Variants in UNC5B observed in about 807,000 individuals in gnomAD.
UNC5B encodes the protein netrin receptor UNC5B.
In UNC5B, 56 loss-of-function variants were observed where a neutral mutation model predicts 103.7. The observed-to-expected ratio is 0.54, with a 90% CI of 0.44 to 0.67. The LOEUF is 0.67. UNC5B is among the 30% of genes least tolerant of loss of function. The pLI is 0.00. For missense variants in UNC5B, 1,194 were observed against 1,284.5 expected (o/e 0.93, Z 1.08); for synonymous variants, 577 against 542.0 (o/e 1.06, Z -0.90).
At chr10:71,266,232 A>G (rs975882869) in intron 1 of UNC5B, among the ~76,000 whole-genome samples, 4 of 152,100 alleles carry the variant, frequency 2.6e-5, no homozygotes, top group East Asian at 1.9e-4. Context: ...TTCCCCCAGC[A>G]AATGGGGGCA....
Position 71,291,475 on chromosome 10 carries a change from A to G in UNC5B, c.1338A>G (p.Thr446=). ...ACCCCTCTGTGCCTCCTGACCTGAC[A>G]GCCAGCGCCGGCATCTACCGCGGAC... ...LLHPSVPPDL[T]ASAGIYRGPV... is the part of the protein sequence containing the mutation. The change falls in exon 10 of 17, where the codon ACA becomes ACG. Residue 446 remains threonine, a synonymous_variant. Coordinates refer to ENST00000335350, the MANE Select transcript of UNC5B (RefSeq NM_170744.5). 6.2e-7 allele frequency: 1 copy of G among 1,613,798 alleles called. No homozygotes were observed. Among genetic ancestry groups the G allele is most frequent in the South Asian group, 1.1e-5 (1 of 91,028 alleles).
At chr10:71,216,726 A>C (rs1050072277) in intron 1 of UNC5B, among the ~76,000 whole-genome samples, 3 of 152,206 alleles carry the variant, frequency 2.0e-5, no homozygotes, top group Admixed American at 2.0e-4. Flanking sequence ...TGTCAGGCTT[A>C]AGACGAGGTC....
At chr10:71,286,464 A>G (rs998803708) in intron 4 of UNC5B, among the ~76,000 whole-genome samples, 4 of 152,122 alleles carry the variant, frequency 2.6e-5, no homozygotes, top group African/African-American at 9.7e-5. Context: ...TCCATCTTGC[A>G]GTTGATGAAA....
intron 1 of UNC5B, among the ~76,000 whole-genome samples, chr10:71,277,183 A>G (rs893208474): frequency 6.6e-6 from 1 of 152,274 alleles, no homozygotes; most frequent in African/African-American, 2.4e-5. Context: ...TGCAGAGCAC[A>G]GAGGCGGCTG....
chr10:71,299,343 T>A lies in UNC5B; in HGVS notation c.*66T>A. On this transcript the variant is annotated 3_prime_UTR_variant, in exon 17 of 17. Coordinates refer to ENST00000335350, the MANE Select transcript of UNC5B (RefSeq NM_170744.5). ...AGGTGCAGGGAGGCCTGGGGCAGCC[T>A]CCTGATGGGGATGTTTGGCCTCTGC... 6.3e-7 allele frequency: 1 copy of A among 1,584,496 alleles called. No individual in the cohort carries two copies. The highest frequency in any genetic ancestry group is 1.1e-5 in the South Asian group (1 of 87,822).
intron 1 of UNC5B, among the ~76,000 whole-genome samples, chr10:71,260,656 G>C (rs1023892791): frequency 6.6e-6 from 1 of 152,220 alleles, no homozygotes; most frequent in African/African-American, 2.4e-5. Context: ...ATTGCTGAAG[G>C]CAGCAGGCCG....
chr10:71,248,830 A>G (rs1844103689), intron 1 of UNC5B, among the ~76,000 whole-genome samples: 1 of 149,272 alleles, frequency 6.7e-6, no homozygotes, highest in Non-Finnish European at 1.5e-5. Context: ...CAGTGGGTAC[A>G]GGCTCCTCCC....
chr10:71,233,355 A>G (rs994009814), intron 1 of UNC5B, among the ~76,000 whole-genome samples: 1 of 152,180 alleles, frequency 6.6e-6, no homozygotes, highest in African/African-American at 2.4e-5. Flanking sequence ...ATGCACTTGT[A>G]ATAAATATTG....
chr10:71,296,565 C>T lies in UNC5B; in HGVS notation c.2326-13C>T. 1 of 1,613,162 alleles carries T rather than the reference C, an allele frequency of 6.2e-7. No homozygotes were observed. Among genetic ancestry groups the T allele is most frequent in the African/African-American group, 1.3e-5 (1 of 75,052 alleles). Reference sequence around the variant, plus strand: ...GGCCTTGCCTGCCTGGTCCTGACCCCCTCCTCCTGCAGGAGATCCCCTTCT... The same window carrying T: ...GGCCTTGCCTGCCTGGTCCTGACCCTCTCCTCCTGCAGGAGATCCCCTTCT... On this transcript the variant is annotated splice_polypyrimidine_tract_variant and intron_variant, in intron 14 of 16. Transcript: ENST00000335350.
intron 1 of UNC5B, among the ~76,000 whole-genome samples, chr10:71,242,905 G>A (rs1168498651): frequency 6.6e-6 from 1 of 152,160 alleles, no homozygotes; most frequent in Non-Finnish European, 1.5e-5. Flanking sequence ...GTGGGGCCAT[G>A]GAACACCCAA....
rs569705928 is a variant in UNC5B, at chr10:71,292,330, C to A, written c.1685-137C>A. The A allele has an allele frequency of 5.7e-5, 41 of 718,034 alleles. No individual in the cohort carries two copies. In the Admixed American group the frequency reaches 6.1e-4, roughly 11 times the overall value. 44.5% of individuals were successfully genotyped at this position (718,034 alleles called of 1,614,324 possible). A position where few individuals can be genotyped will look rare whatever the true frequency, so the allele number is the denominator to read the frequency against. On this transcript the variant is annotated intron_variant, in intron 10 of 16. Transcript: ENST00000335350. The stretch of plus-strand genomic sequence containing the variant: ...TCTGCTTGCATCCAGTCCCCAGACC[C>A]TGTCTCCCACCCCTGGCTGGGGACT...
rs1589212577 is a variant in UNC5B, at chr10:71,300,827, A to T, written c.*1550A>T. 1 of 152,078 alleles carries T rather than the reference A, an allele frequency of 6.6e-6. No homozygotes were observed. Among genetic ancestry groups the T allele is most frequent in the East Asian group, 1.9e-4 (1 of 5,170 alleles). The allele number at this position is 152,078 out of a possible 1,614,324, so 9.4% of individuals were successfully genotyped here. Reference sequence around the variant, plus strand: ...CTGAGAAGCTGGTTTCCCAGCTCTGATCTCCACAGGCACCTCCTATAACCC... The same window carrying T: ...CTGAGAAGCTGGTTTCCCAGCTCTGTTCTCCACAGGCACCTCCTATAACCC... On this transcript the variant is annotated 3_prime_UTR_variant, in exon 17 of 17. Transcript: ENST00000335350.
chr10:71,224,605 A>G (rs1052517921), intron 1 of UNC5B, among the ~76,000 whole-genome samples: 5 of 152,200 alleles, frequency 3.3e-5, no homozygotes, highest in Non-Finnish European at 5.9e-5. Flanking sequence ...CTGGAATCAG[A>G]AAACCTGGAT....
chr10:71,227,787 G>T (rs1196202352), intron 1 of UNC5B, among the ~76,000 whole-genome samples: 1 of 150,582 alleles, frequency 6.6e-6, no homozygotes, highest in East Asian at 1.9e-4. Flanking sequence ...ATTTAATGGG[G>T]AAACACTAAA....
At chr10:71,216,129 C>G (rs1843324989) in intron 1 of UNC5B, among the ~76,000 whole-genome samples, 1 of 152,280 alleles carries the variant, frequency 6.6e-6, no homozygotes, top group Admixed American at 6.5e-5. Flanking sequence ...GGCCAACTTG[C>G]CCAAGGTCAC....
intron 3 of UNC5B, 132 bp downstream of exon 3, chr10:71,284,995 C>T: frequency 7.5e-7 from 1 of 1,327,140 alleles, no homozygotes; most frequent in South Asian, 1.5e-5. Flanking sequence ...CAGAGACATC[C>T]CAGCACATGG....
At chr10:71,224,310 C>T (rs989699330) in intron 1 of UNC5B, among the ~76,000 whole-genome samples, 1 of 146,894 alleles carries the variant, frequency 6.8e-6, no homozygotes, top group Admixed American at 6.9e-5. Flanking sequence ...ACCCCTGCTG[C>T]AAATTTGATC....
chr10:71,262,379 G>A (rs1414271676), intron 1 of UNC5B, among the ~76,000 whole-genome samples: 3 of 151,796 alleles, frequency 2.0e-5, no homozygotes, highest in Non-Finnish European at 4.4e-5. Context: ...AGCTGGCTGG[G>A]GGGATGGGGC....
intron 1 of UNC5B, among the ~76,000 whole-genome samples, chr10:71,219,953 A>C (rs765866595): frequency 4.6e-5 from 7 of 152,150 alleles, no homozygotes; most frequent in Non-Finnish European, 1.0e-4. Flanking sequence ...GGGGCTAGCT[A>C]GCTGGGTATG....
Sources: allele counts gnomAD v4.1 joint callset (sites outside exome capture counted in the v4.1 genomes callset), GRCh38; gene constraint gnomAD v4.1.1; transcripts MANE v1.5; gene names NCBI Gene and HGNC (gene_info 2026-07-23, HGNC 2026-07-21).